Variants in SPATA31C1 observed in about 807,000 individuals in gnomAD.
The protein encoded by SPATA31C1 is SPATA31 subfamily C member 1.
rs367759932 is a variant in SPATA31C1, at chr9:87,922,869, G to C, written n.3259G>C. 8.7e-6 allele frequency: 14 copies of C among 1,605,956 alleles called. No individual in the cohort carries two copies. In the African/African-American group the frequency reaches 1.7e-4, roughly 20 times the overall value. On this transcript the variant is annotated non_coding_transcript_exon_variant, in exon 5 of 5. Transcript: ENST00000420021. ...ATTGAGGACTCCTCAACTTACCCCA[G>C]GCAGAAAAACAGAAGACACCCGTCA... is the stretch of plus-strand genomic sequence containing the variant.
At position 87,919,359 on chromosome 9, in the gene SPATA31C1, G is replaced by A. The variant is rs1247694065; in HGVS notation, n.580+11G>A. 5 of 1,602,298 alleles carry A rather than the reference G, an allele frequency of 3.1e-6. No individual in the cohort carries two copies. The highest frequency in any genetic ancestry group is 1.7e-5 in the Admixed American group (1 of 58,958). ...ACCACAGTCTGAGAGGTAAGGCTCT[G>A]CCAGGGCACACTAGAGTTAATTTGA... is the stretch of plus-strand genomic sequence containing the variant. On this transcript the variant is annotated intron_variant and non_coding_transcript_variant, in intron 3 of 4. Coordinates refer to ENST00000420021, the Ensembl canonical transcript of SPATA31C1.
exon 5 of SPATA31C1, chr9:87,920,320 T>G: frequency 6.2e-7 from 1 of 1,613,892 alleles, no homozygotes; most frequent in East Asian, 2.2e-5. Context: ...CCAGGTGAGG[T>G]GGGCAAAAGA....
At chr9:87,919,369 A>G in intron 3 of SPATA31C1, 21 bp downstream of exon 2, 2 of 1,601,748 alleles carry the variant, frequency 1.2e-6, no homozygotes, top group Non-Finnish European at 1.7e-6. Context: ...GCCAGGGCAC[A>G]CTAGAGTTAA....
exon 5 of SPATA31C1, chr9:87,921,254 T>C (rs1306491156): frequency 6.2e-7 from 1 of 1,611,962 alleles, no homozygotes. Flanking sequence ...CTGAGAACTT[T>C]CCAGTCAGTC....
chr9:87,920,116 C>T lies in SPATA31C1; in HGVS notation n.642-136C>T. The T allele has an allele frequency of 5.0e-6, 8 of 1,602,722 alleles. No homozygotes were observed. In the South Asian group the frequency reaches 6.6e-5, roughly 13 times the overall value. On this transcript the variant is annotated intron_variant and non_coding_transcript_variant, in intron 4 of 4. Coordinates refer to ENST00000420021, the Ensembl canonical transcript of SPATA31C1. ...AGTAAAGCCCTGGGGCGAGGGGTAG[C>T]AGGAGAATTGGGTGGTCAGGGTGTG...
chr9:87,923,173 A>G (rs768163628), exon 5 of SPATA31C1: 11 of 1,603,182 alleles, frequency 6.9e-6, no homozygotes, highest in Non-Finnish European at 8.5e-6. Flanking sequence ...CAGCAAAGAC[A>G]GCAGTTTCAA....
exon 5 of SPATA31C1, chr9:87,921,208 C>T: frequency 6.2e-7 from 1 of 1,611,986 alleles, no homozygotes; most frequent in Non-Finnish European, 8.5e-7. Context: ...GTCTCCACTC[C>T]TAACCTTCCC....
chr9:87,920,174 G>C, intron 4 of SPATA31C1, 78 bp from the exon 4 acceptor site: 1 of 1,602,812 alleles, frequency 6.2e-7, no homozygotes, highest in Non-Finnish European at 8.5e-7. Flanking sequence ...TGGTGGAGGG[G>C]CTGTGGCCCA....
chr9:87,919,241 T>TTCTTGTCTCCCAGTGTCA lies in SPATA31C1; in HGVS notation n.523-37_523-36insTGTCATCTTGTCTCCCAG. 6 of 1,538,472 alleles carry TTCTTGTCTCCCAGTGTCA rather than the reference T, an allele frequency of 3.9e-6. No individual in the cohort carries two copies. Among genetic ancestry groups the TTCTTGTCTCCCAGTGTCA allele is most frequent in the Middle Eastern group, 1.7e-4 (1 of 5,804 alleles). ...AGAGCCGGTCCTAGCTCCTCGCCAT[T>TTCTTGTCTCCCAGTGTCA]TCTTGTCTCCCAGCGTCATCTTGTC... On this transcript the variant is annotated intron_variant and non_coding_transcript_variant, in intron 2 of 4. Transcript: ENST00000420021.
chr9:87,921,108 C>T, exon 5 of SPATA31C1: 1 of 1,611,704 alleles, frequency 6.2e-7, no homozygotes, highest in Non-Finnish European at 8.5e-7. Context: ...ACCTGAAACT[C>T]AGCACCCTGA....
At chr9:87,921,715 G>A (rs766507023) in exon 5 of SPATA31C1, 150 of 1,611,922 alleles carry the variant, frequency 9.3e-5, no homozygotes, top group East Asian at 2.5e-4. Context: ...GTGAGTGTGC[G>A]TCGATCCTGG....
At chr9:87,920,596 C>T in exon 5 of SPATA31C1, 1 of 1,613,764 alleles carries the variant, frequency 6.2e-7, no homozygotes, top group Non-Finnish European at 8.5e-7. Context: ...GCCTGCTCTC[C>T]ACCTCCTCCG....
intron 1 of SPATA31C1, among the ~76,000 whole-genome samples, chr9:87,916,251 CAA>C (rs756907084): frequency 2.6e-4 from 20 of 77,960 alleles, no homozygotes; most frequent in African/African-American, 4.5e-4. Context: ...GACTCCATCT[CAA>C]AAAAAAAAAA....
At chr9:87,920,790 T>G in exon 5 of SPATA31C1, 1 of 1,613,902 alleles carries the variant, frequency 6.2e-7, no homozygotes, top group Non-Finnish European at 8.5e-7. Flanking sequence ...CCTCTCCTGG[T>G]CGCAGGAGAC....
chr9:87,919,530 G>A (rs1407406786), intron 3 of SPATA31C1, among the ~76,000 whole-genome samples, 182 bp downstream of exon 2: 3 of 103,656 alleles, frequency 2.9e-5, no homozygotes, highest in South Asian at 8.4e-4. Flanking sequence ...GGGACTGAGC[G>A]TTACCCAGCA....
At chr9:87,922,917 C>G (rs1226945639) in exon 5 of SPATA31C1, 1 of 1,603,620 alleles carries the variant, frequency 6.2e-7, no homozygotes, top group Admixed American at 1.7e-5. Context: ...CCAGCTACTG[C>G]CATCAAAGAA....
exon 5 of SPATA31C1, chr9:87,923,312 A>G (rs1828931903): frequency 1.9e-6 from 3 of 1,602,934 alleles, no homozygotes; most frequent in African/African-American, 2.7e-5. Flanking sequence ...ACAGAGACAG[A>G]CAAATCAGAG....
chr9:87,921,791 G>A (rs186750599), exon 5 of SPATA31C1: 26 of 1,612,004 alleles, frequency 1.6e-5, no homozygotes, highest in African/African-American at 2.7e-5. Flanking sequence ...TAGCAGCCCC[G>A]AAAAGTAGGA....
exon 5 of SPATA31C1, chr9:87,922,566 C>T (rs1190435127): frequency 6.2e-7 from 1 of 1,610,038 alleles, no homozygotes. Flanking sequence ...TGTGCTCCTT[C>T]CAGATGGGCA....
Sources: allele counts gnomAD v4.1 joint callset (sites outside exome capture counted in the v4.1 genomes callset), GRCh38; gene constraint gnomAD v4.1.1; transcripts MANE v1.5; gene names NCBI Gene and HGNC (gene_info 2026-07-23, HGNC 2026-07-21).